Variants in AKAP12 observed in about 807,000 individuals in gnomAD.
The protein encoded by AKAP12 is A-kinase anchor protein 12.
A neutral mutation model predicts 79.9 loss-of-function variants in AKAP12; 32 were observed. That is an observed-to-expected ratio of 0.40 (90% CI 0.30 to 0.54). The LOEUF is 0.54. Ranked by LOEUF, AKAP12 falls within the 20% of genes least tolerant of loss-of-function variation. The pLI, the probability that AKAP12 is intolerant of heterozygous loss-of-function variation, is 0.48. For missense variants in AKAP12, 2,074 were observed against 2,177.0 expected (o/e 0.95, Z 0.94); for synonymous variants, 808 against 857.0 (o/e 0.94, Z 1.00).
rs184321204 is a variant in AKAP12 at position 151,322,628 on chromosome 6, C to T, written c.319+16725C>T. On this transcript the variant is annotated intron_variant, in intron 3 of 4. Transcript: ENST00000402676. ...GTGCCCCAGGTAGGGAGTGTCCCCT[C>T]ATCCCTTCAGAGACCAGCTCCAAGG... is the stretch of plus-strand genomic sequence containing the variant. Among the ~76,000 whole-genome samples the T allele has an allele frequency of 3.9e-5, 6 of 152,304 alleles. No individual in the cohort carries two copies. In the East Asian group the frequency reaches 7.7e-4, roughly 20 times the overall value.
At chr6:151,341,824 C>T in intron 3 of AKAP12, 4 of 1,282,712 alleles carry the variant, frequency 3.1e-6, no homozygotes, top group Non-Finnish European at 4.1e-6. Flanking sequence ...CTTCCCGTCC[C>T]AGGCTTGGGA....
At chr6:151,326,489 T>TAAAAAAAA (rs746340831) in intron 3 of AKAP12, among the ~76,000 whole-genome samples, 92 of 79,688 alleles carry the variant, frequency 1.2e-3, no homozygotes, top group Non-Finnish European at 1.6e-3. Flanking sequence ...CAACAAATAG[T>TAAAAAAAA]AAAAAAAAAA....
intron 3 of AKAP12, among the ~76,000 whole-genome samples, chr6:151,340,779 C>T (rs536436887): frequency 1.8e-3 from 211 of 117,212 alleles, no homozygotes; most frequent in South Asian, 4.6e-3. Flanking sequence ...GCTTGATTTT[C>T]GTCCTGTGAC....
In AKAP12 at chr6:151,350,477, T is replaced by C; in HGVS notation, c.2086T>C (p.Ser696Pro). Reference protein sequence around the residue: ...GSSKKRARRGSSSDEEGGPKA... With the variant: ...GSSKKRARRGPSSDEEGGPKA... ...ATCCAAGAAAAGAGCAAGGAGAGGG[T>C]CCTCTTCTGATGAGGAAGGGGGACC... The change falls in exon 4 of 5, where the codon TCC (serine) becomes CCC (proline). Residue 696 changes from serine to proline, a missense_variant. Physicochemically the swap from Ser to Pro is moderately conservative, Grantham distance 74. Coordinates refer to ENST00000402676, the MANE Select transcript of AKAP12 (RefSeq NM_005100.4). The surrounding 1 kb of genome is among the most constrained non-coding windows in gnomAD (Gnocchi z 4.8). The C allele has an allele frequency of 6.2e-7, 1 of 1,613,702 alleles. No homozygotes were observed. Among genetic ancestry groups the C allele is most frequent in the South Asian group, 1.1e-5 (1 of 91,042 alleles).
intron 2 of AKAP12, among the ~76,000 whole-genome samples, chr6:151,269,154 G>C (rs1436779763): frequency 6.6e-6 from 1 of 151,810 alleles, no homozygotes; most frequent in African/African-American, 2.4e-5. Flanking sequence ...GTTGAATGTA[G>C]ACAGTACAAG....
intron 3 of AKAP12, among the ~76,000 whole-genome samples, chr6:151,344,659 G>A (rs539456510): frequency 5.3e-5 from 8 of 151,742 alleles, no homozygotes; most frequent in Non-Finnish European, 8.8e-5. Context: ...TCAGCCTCCC[G>A]AGTAGCTAGG....
intron 2 of AKAP12, among the ~76,000 whole-genome samples, chr6:151,278,688 G>C (rs1330437193): frequency 1.3e-5 from 2 of 149,690 alleles, no homozygotes; most frequent in Non-Finnish European, 3.0e-5. Context: ...TTTTTTTTGA[G>C]ACAGAGTCTC....
chr6:151,324,147 T>G, intron 3 of AKAP12: 1 of 985,278 alleles, frequency 1.0e-6, no homozygotes, highest in Non-Finnish European at 1.2e-6. Flanking sequence ...TGGAGCAATT[T>G]GTGAAATAGA....
At chr6:151,323,970 C>G in intron 3 of AKAP12, 3 of 985,304 alleles carry the variant, frequency 3.0e-6, no homozygotes, top group South Asian at 4.7e-5. Context: ...GACCCTGATG[C>G]AACATCCCAA....
Position 151,263,134 on chromosome 6 carries a change from C to T in AKAP12, c.162+22410C>T, listed in dbSNP as rs138926709. Among the ~76,000 whole-genome samples, 66 of 152,306 alleles carry T rather than the reference C, an allele frequency of 4.3e-4. No homozygotes were observed. In the East Asian group the frequency reaches 9.5e-3, roughly 22 times the overall value. Reference sequence around the variant, plus strand: ...TACTGCAGCCTCAATCTCCTGATCTCAAGCAATCCTCCCACCTCAGCCTCC... The same window carrying T: ...TACTGCAGCCTCAATCTCCTGATCTTAAGCAATCCTCCCACCTCAGCCTCC... On this transcript the variant is annotated intron_variant, in intron 2 of 4. Coordinates refer to ENST00000402676, the MANE Select transcript of AKAP12 (RefSeq NM_005100.4).
In AKAP12 at chr6:151,321,397, T is replaced by C. The variant is rs373549710; in HGVS notation, c.319+15494T>C. Among the ~76,000 whole-genome samples, 57 of 152,234 alleles carry C rather than the reference T, an allele frequency of 3.7e-4. 1 individual carries two copies. The highest frequency in any genetic ancestry group is 1.3e-3 in the African/African-American group (53 of 41,456). On this transcript the variant is annotated intron_variant, in intron 3 of 4. Coordinates refer to ENST00000402676, the MANE Select transcript of AKAP12 (RefSeq NM_005100.4). ...CACTAACTACTTTATGTCTATGGAT[T>C]CGCCTCTTGTAGACATTTCAAATAA...
intron 2 of AKAP12, among the ~76,000 whole-genome samples, chr6:151,245,711 T>C (rs1355310703): frequency 6.6e-6 from 1 of 152,128 alleles, no homozygotes; most frequent in Non-Finnish European, 1.5e-5. Context: ...TAATGATTTT[T>C]ATTTAAAGTC....
Position 151,357,709 on chromosome 6 carries a change from A to AATT in AKAP12, c.*1995_*1996insATT, listed in dbSNP as rs1198158754. ...AAAAAACCTCTGATATATATATATAATTTTTTTTTTTTTTTTTTTTTGGCC... is the reference window on the plus strand; with the variant it reads ...AAAAAACCTCTGATATATATATATAAATTTTTTTTTTTTTTTTTTTTTTTGGCC... On this transcript the variant is annotated 3_prime_UTR_variant, in exon 5 of 5. Transcript: ENST00000402676. The AATT allele has an allele frequency of 7.8e-5, 8 of 102,668 alleles. No individual in the cohort carries two copies. Among genetic ancestry groups the AATT allele is most frequent in the African/African-American group, 2.6e-4 (8 of 30,586 alleles). 6.4% of individuals were successfully genotyped at this position (102,668 alleles called of 1,614,324 possible).
At chr6:151,264,166 T>A (rs1404676045) in intron 2 of AKAP12, among the ~76,000 whole-genome samples, 1 of 152,040 alleles carries the variant, frequency 6.6e-6, no homozygotes, top group Non-Finnish European at 1.5e-5. Context: ...TGGGGCTCAA[T>A]ATCCAAGCAT....
At chr6:151,308,199 A>C (rs1205120803) in intron 3 of AKAP12, among the ~76,000 whole-genome samples, 1 of 150,708 alleles carries the variant, frequency 6.6e-6, no homozygotes, top group African/African-American at 2.4e-5. Flanking sequence ...ATTACTATAC[A>C]TTTTTTGTTA....
rs370249550 is a variant in AKAP12, at chr6:151,247,497, CTGAGGTAGAGCAGTCTTACTCTCCTT to C, written c.162+6776_162+6801del. Among the ~76,000 whole-genome samples, 696 of 152,278 alleles carry C rather than the reference CTGAGGTAGAGCAGTCTTACTCTCCTT, an allele frequency of 4.6e-3. 10 individuals are homozygous for C. Among genetic ancestry groups the C allele is most frequent in the East Asian group, 0.031 (163 of 5,188 alleles). On this transcript the variant is annotated intron_variant, in intron 2 of 4. Transcript: ENST00000402676. ...AGCAAGTTCAAGAATAAAAACGCAG[CTGAGGTAGAGCAGTCTTACTCTCCTT>C]TGCTCCTTTTCCTTTCCAAATTAAT...
chr6:151,319,743 G>T, intron 3 of AKAP12: 1 of 158,790 alleles, frequency 6.3e-6, no homozygotes. Flanking sequence ...ACCACTCCAT[G>T]GGCGTCCCTC....
At chr6:151,243,720 C>G (rs1446609155) in intron 2 of AKAP12, among the ~76,000 whole-genome samples, 1 of 152,152 alleles carries the variant, frequency 6.6e-6, no homozygotes, top group Non-Finnish European at 1.5e-5. Flanking sequence ...ATGGCTTGGT[C>G]TGTTATCTGC....
chr6:151,266,297 A>G (rs1028439944), intron 2 of AKAP12, among the ~76,000 whole-genome samples: 3 of 152,182 alleles, frequency 2.0e-5, no homozygotes, highest in African/African-American at 4.8e-5. Context: ...CTTTACTTCA[A>G]TTATCTTCTG....
Sources: allele counts gnomAD v4.1 joint callset (sites outside exome capture counted in the v4.1 genomes callset), GRCh38; gene constraint gnomAD v4.1.1; non-coding constraint Gnocchi (gnomAD v3.1); transcripts MANE v1.5; gene names NCBI Gene and HGNC (gene_info 2026-07-23, HGNC 2026-07-21).